The following SH3GL2 variants were observed in gnomAD, a reference collection of about 807,000 sequenced individuals.
SH3GL2 encodes SH3 domain containing GRB2 like 2, endophilin A1, also known as endophilin-A1.
SH3GL2 carries 24 observed loss-of-function variants against 46.0 expected under a neutral mutation model. The observed-to-expected ratio is 0.52, with a 90% CI of 0.38 to 0.73. The LOEUF is 0.73. SH3GL2 is among the 30% of genes least tolerant of loss of function. The pLI is 0.00. For synonymous variants in SH3GL2, 196 were observed against 147.1 expected, an observed-to-expected ratio of 1.33 and a Z score of -2.40; for missense variants, 413 against 424.2, an observed-to-expected ratio of 0.97 and a Z score of 0.23.
chr9:17,721,791 T>G (rs1821899848), intron 1 of SH3GL2, among the ~76,000 whole-genome samples: 1 of 152,064 alleles, frequency 6.6e-6, no homozygotes, highest in Non-Finnish European at 1.5e-5. Flanking sequence ...CCAGCCTCCG[T>G]AACACTTGAG....
At chr9:17,597,258 A>G (rs1818589627) in intron 1 of SH3GL2, among the ~76,000 whole-genome samples, 1 of 152,204 alleles carries the variant, frequency 6.6e-6, no homozygotes, top group South Asian at 2.1e-4. Context: ...ACAGTGGCTC[A>G]CGCCTGTAAT....
At chr9:17,620,728 G>T (rs1432624743) in intron 1 of SH3GL2, among the ~76,000 whole-genome samples, 1 of 152,168 alleles carries the variant, frequency 6.6e-6, no homozygotes, top group Non-Finnish European at 1.5e-5. Flanking sequence ...TGAATGTGGA[G>T]GGAGAGGGAG....
intron 1 of SH3GL2, among the ~76,000 whole-genome samples, chr9:17,736,572 A>G (rs1055850822): frequency 1.7e-4 from 26 of 152,148 alleles, no homozygotes; most frequent in African/African-American, 6.3e-4. Context: ...CTTAGGAAGG[A>G]AGAACATTTA....
At chr9:17,594,565 G>A (rs1329606016) in intron 1 of SH3GL2, among the ~76,000 whole-genome samples, 1 of 152,018 alleles carries the variant, frequency 6.6e-6, no homozygotes, top group Non-Finnish European at 1.5e-5. Context: ...GTTGATAGGT[G>A]CACCGAACCA....
At chr9:17,636,277 C>T (rs1006971228) in intron 1 of SH3GL2, among the ~76,000 whole-genome samples, 24 of 151,716 alleles carry the variant, frequency 1.6e-4, no homozygotes, top group African/African-American at 5.8e-4. Context: ...CTGTGGGCAG[C>T]ATGGGAATGT....
chr9:17,711,015 A>G (rs1821608074), intron 1 of SH3GL2, among the ~76,000 whole-genome samples: 1 of 151,952 alleles, frequency 6.6e-6, no homozygotes, highest in Admixed American at 6.6e-5. Flanking sequence ...CTCTCTCAGA[A>G]TGACTGTGGG....
chr9:17,629,369 A>G (rs1486920863), intron 1 of SH3GL2, among the ~76,000 whole-genome samples: 2 of 152,208 alleles, frequency 1.3e-5, no homozygotes, highest in African/African-American at 4.8e-5. Flanking sequence ...GCTTGGGTGG[A>G]TCCACCAGTC....
intron 2 of SH3GL2, among the ~76,000 whole-genome samples, chr9:17,752,019 G>T (rs555613308): frequency 5.2e-4 from 77 of 147,400 alleles, no homozygotes; most frequent in Admixed American, 1.3e-3. Flanking sequence ...TGACCAAGAA[G>T]ATTAACAGCA....
chr9:17,687,532 A>G (rs3780235), intron 1 of SH3GL2, among the ~76,000 whole-genome samples: 82,775 of 151,846 alleles, frequency 0.55, 23,836 homozygotes, highest in African/African-American at 0.72. Context: ...TACAATTGTC[A>G]ACATACAGCA....
chr9:17,699,276 G>A (rs1554641223), intron 1 of SH3GL2, among the ~76,000 whole-genome samples: 1 of 150,708 alleles, frequency 6.6e-6, no homozygotes, highest in Non-Finnish European at 1.5e-5. Context: ...ATTTGGTAAA[G>A]ATACTATTAG....
At chr9:17,628,539 A>G (rs950782518) in intron 1 of SH3GL2, among the ~76,000 whole-genome samples, 1 of 152,068 alleles carries the variant, frequency 6.6e-6, no homozygotes. Context: ...GACTTCAGAC[A>G]TTTTGATTTA....
intron 1 of SH3GL2, among the ~76,000 whole-genome samples, chr9:17,684,158 C>G (rs1393791831): frequency 6.6e-6 from 1 of 151,968 alleles, no homozygotes; most frequent in Non-Finnish European, 1.5e-5. Context: ...TTTTAAATAA[C>G]TATGATCAAT....
intron 1 of SH3GL2, among the ~76,000 whole-genome samples, chr9:17,658,216 C>T (rs1820135811): frequency 6.6e-6 from 1 of 152,128 alleles, no homozygotes; most frequent in African/African-American, 2.4e-5. Flanking sequence ...TAATTAAAAA[C>T]CCCAGTCTAG....
chr9:17,789,432 A>C lies in SH3GL2; in HGVS notation c.506A>C (p.Asp169Ala). Residue 169 changes from aspartate to alanine, a missense_variant, in exon 6 of 9, where the codon GAT becomes GCT. Coordinates refer to ENST00000380607, the MANE Select transcript of SH3GL2 (RefSeq NM_003026.5). ...KKLEGRRLDF[D>A]YKKKRQGKIP... Reference sequence around the variant, plus strand: ...TTGGAGGGTCGACGCCTGGATTTTGATTATAAGAAGAAACGACAAGGCAAG... The same window carrying C: ...TTGGAGGGTCGACGCCTGGATTTTGCTTATAAGAAGAAACGACAAGGCAAG... The C allele has an allele frequency of 1.9e-6, 3 of 1,613,484 alleles. No individual in the cohort carries two copies. The highest frequency in any genetic ancestry group is 8.5e-7 in the Non-Finnish European group (1 of 1,179,604).
At chr9:17,654,641 A>G (rs941422048) in intron 1 of SH3GL2, among the ~76,000 whole-genome samples, 1 of 152,218 alleles carries the variant, frequency 6.6e-6, no homozygotes. Flanking sequence ...TAGAAAATCA[A>G]TGCTTATAAA....
At chr9:17,600,460 G>C (rs771506847) in intron 1 of SH3GL2, among the ~76,000 whole-genome samples, 1 of 152,212 alleles carries the variant, frequency 6.6e-6, no homozygotes, top group Non-Finnish European at 1.5e-5. Context: ...CTCCGATTCT[G>C]ATGTTTTCTC....
intron 1 of SH3GL2, among the ~76,000 whole-genome samples, chr9:17,719,353 G>A (rs1294961779): frequency 6.6e-6 from 1 of 152,132 alleles, no homozygotes; most frequent in Non-Finnish European, 1.5e-5. Context: ...TCTAGGAACT[G>A]CCAGGCCTAA....
intron 1 of SH3GL2, among the ~76,000 whole-genome samples, chr9:17,641,588 C>G (rs1819683659): frequency 6.6e-6 from 1 of 152,120 alleles, no homozygotes; most frequent in African/African-American, 2.4e-5. Flanking sequence ...TATCCCTTCC[C>G]TTGCCCCACA....
intron 1 of SH3GL2, among the ~76,000 whole-genome samples, chr9:17,595,525 C>G (rs1336850412): frequency 6.6e-6 from 1 of 152,082 alleles, no homozygotes; most frequent in East Asian, 1.9e-4. Flanking sequence ...TAGTTCTCTT[C>G]CCTGTAATTC....
Sources: allele counts gnomAD v4.1 joint callset (sites outside exome capture counted in the v4.1 genomes callset), GRCh38; gene constraint gnomAD v4.1.1; transcripts MANE v1.5; gene names NCBI Gene and HGNC (gene_info 2026-07-23, HGNC 2026-07-21).